PPIL1: variants seen among roughly 807,000 people sequenced by gnomAD.
PPIL1 encodes peptidylprolyl isomerase like 1.
A neutral mutation model predicts 19.4 loss-of-function variants in PPIL1; 14 were observed. That is an observed-to-expected ratio of 0.72 (90% CI 0.48 to 1.13). The LOEUF (loss-of-function observed/expected upper bound fraction) is 1.13, where lower values mean the gene tolerates loss of function less well. PPIL1 is among the 50% of genes most tolerant of loss of function. The pLI, the probability that PPIL1 is intolerant of heterozygous loss-of-function variation, is 0.00. For missense variants in PPIL1, 192 were observed against 218.0 expected (o/e 0.88, Z 0.75); for synonymous variants, 72 against 73.6 (o/e 0.98, Z 0.11).
At chr6:36,860,219 C>G (rs991079075) in intron 2 of PPIL1, among the ~76,000 whole-genome samples, 3 of 152,026 alleles carry the variant, frequency 2.0e-5, no homozygotes, top group Non-Finnish European at 2.9e-5. Flanking sequence ...ATAATCCCAA[C>G]ACTTTGGGAG....
intron 2 of PPIL1, among the ~76,000 whole-genome samples, chr6:36,858,387 C>T (rs111432192): frequency 1.7e-4 from 26 of 152,204 alleles, no homozygotes; most frequent in Admixed American, 6.5e-4. Flanking sequence ...CCAAGTTGAA[C>T]GGTCACGACA....
intron 1 of PPIL1, among the ~76,000 whole-genome samples, chr6:36,873,460 T>TA (rs1357262093): frequency 1.3e-5 from 2 of 152,240 alleles, no homozygotes; most frequent in East Asian, 3.9e-4. Flanking sequence ...ATTTTTTTGT[T>TA]AAAAAAACAT....
chr6:36,867,279 C>T (rs895412388), intron 2 of PPIL1, among the ~76,000 whole-genome samples: 1 of 150,922 alleles, frequency 6.6e-6, no homozygotes, highest in Non-Finnish European at 1.5e-5. Flanking sequence ...GCACGTTTAC[C>T]ACATGCTCCC....
Position 36,871,806 on chromosome 6 carries a change from C to T in PPIL1, c.123G>A (p.Glu41=). The change falls in exon 2 of 4, where the codon GAG becomes GAA. Residue 41 remains glutamate, a synonymous_variant. Coordinates refer to ENST00000373699, the MANE Select transcript of PPIL1 (RefSeq NM_016059.5). ...HAPKTCKNFA[E]LARRGYYNGT... is the part of the protein sequence containing the mutation. ...CATTGTAGTAACCTCGACGAGCCAACTCAGCAAAGTTCTTACAGGTCTTTG... is the reference window on the plus strand; with the variant it reads ...CATTGTAGTAACCTCGACGAGCCAATTCAGCAAAGTTCTTACAGGTCTTTG... The T allele has an allele frequency of 5.6e-6, 9 of 1,612,230 alleles. No homozygotes were observed. The highest frequency in any genetic ancestry group is 7.6e-6 in the Non-Finnish European group (9 of 1,179,316).
At chr6:36,864,312 C>T (rs189109748) in intron 2 of PPIL1, among the ~76,000 whole-genome samples, 4 of 152,188 alleles carry the variant, frequency 2.6e-5, no homozygotes, top group South Asian at 4.2e-4. Context: ...TACAACACCC[C>T]CCACGATTGG....
At chr6:36,867,087 G>C (rs73418165) in intron 2 of PPIL1, among the ~76,000 whole-genome samples, 1 of 152,106 alleles carries the variant, frequency 6.6e-6, no homozygotes, top group Non-Finnish European at 1.5e-5. Context: ...CTCAAAACTC[G>C]GGGCCTCAAC....
chr6:36,858,947 G>C (rs964834846), intron 2 of PPIL1, among the ~76,000 whole-genome samples: 5 of 152,188 alleles, frequency 3.3e-5, no homozygotes, highest in Admixed American at 3.3e-4. Context: ...TGCAGGACTT[G>C]AGTGAGCAAG....
chr6:36,871,848 C>G lies in PPIL1; in HGVS notation c.81G>C (p.Leu27=). The G allele has an allele frequency of 6.2e-7, 1 of 1,601,466 alleles. No individual in the cohort carries two copies. The highest frequency in any genetic ancestry group is 2.3e-5 in the East Asian group (1 of 44,254). The change falls in exon 2 of 4, where the codon CTG becomes CTC. Residue 27 remains leucine, a synonymous_variant. Coordinates refer to ENST00000373699, the MANE Select transcript of PPIL1 (RefSeq NM_016059.5). The stretch of plus-strand genomic sequence containing the variant: ...AGGTCTTTGGAGCATGCTTCCAGTA[C>G]AGCTCCAGCACAATGATTCCCATGC... ...ETSMGIIVLE[L]YWKHAPKTCK... is the part of the protein sequence containing the mutation.
rs1041089045 is a variant in PPIL1, at chr6:36,872,974, CTATAAG to C, written c.57-1108_57-1103del. ...CAGTGCCTTGCACAGTGTAAACACT[CTATAAG>C]TATATGAGGAGTGTGCTAGAAAATA... On this transcript the variant is annotated intron_variant, in intron 1 of 3. Transcript: ENST00000373699. 5.3e-5 allele frequency among the ~76,000 whole-genome samples: 8 copies of C among 152,208 alleles called. No homozygotes were observed. In the East Asian group the frequency reaches 5.8e-4, roughly 11 times the overall value.
At position 36,855,815 on chromosome 6, in the gene PPIL1, A is replaced by G; in HGVS notation, c.499T>C (p.Ter167GlnextTer10). ...VKIIKAYPSG[*>Q] is the part of the protein sequence containing the mutation. ...AGCTGCTCAAGAGGGTAGCAAGTCT[A>G]CCCAGAAGGGTATGCCTTAATGATC... Residue 167 changes from the stop codon to glutamine (Q), a stop_lost, in exon 4 of 4, where the codon TAG (stop) becomes CAG (glutamine). Coordinates refer to ENST00000373699, the MANE Select transcript of PPIL1 (RefSeq NM_016059.5). 5 of 1,614,086 alleles carry G rather than the reference A, an allele frequency of 3.1e-6. No homozygotes were observed. The highest frequency in any genetic ancestry group is 4.2e-6 in the Non-Finnish European group (5 of 1,179,958).
At chr6:36,866,605 G>A (rs1774398334) in intron 2 of PPIL1, among the ~76,000 whole-genome samples, 1 of 151,998 alleles carries the variant, frequency 6.6e-6, no homozygotes, top group African/African-American at 2.4e-5. Context: ...ACATTATGAA[G>A]GATCATGAAC....
intron 2 of PPIL1, 70 bp from the exon 3 acceptor site, chr6:36,856,724 C>A: frequency 7.0e-7 from 1 of 1,429,216 alleles, no homozygotes. Context: ...AATGATGGCC[C>A]AGGGTCAAAG....
At chr6:36,873,764 A>C (rs1774570977) in intron 1 of PPIL1, among the ~76,000 whole-genome samples, 1 of 152,236 alleles carries the variant, frequency 6.6e-6, no homozygotes. Flanking sequence ...TTTAGCTGAA[A>C]GCAGCAATGG....
chr6:36,856,113 T>A, intron 3 of PPIL1, 80 bp from the exon 4 acceptor site: 1 of 1,451,070 alleles, frequency 6.9e-7, no homozygotes, highest in South Asian at 1.3e-5. Context: ...ATCCTAGGGA[T>A]GAAAAAGCAG....
At chr6:36,873,302 C>CA (rs922671589) in intron 1 of PPIL1, among the ~76,000 whole-genome samples, 34 of 149,464 alleles carry the variant, frequency 2.3e-4, no homozygotes, top group African/African-American at 4.7e-4. Context: ...TTGTCATAGC[C>CA]AAAAAAAAAG....
intron 2 of PPIL1, among the ~76,000 whole-genome samples, chr6:36,863,950 C>T (rs763805203): frequency 4.6e-5 from 7 of 151,920 alleles, no homozygotes; most frequent in African/African-American, 1.7e-4. Flanking sequence ...CTCAGGCCTG[C>T]GCTGCTGTGT....
At chr6:36,858,231 C>CAAAAAAAAA (rs55719434) in intron 2 of PPIL1, among the ~76,000 whole-genome samples, 1 of 68,188 alleles carries the variant, frequency 1.5e-5, no homozygotes. Flanking sequence ...AAGACTGTCT[C>CAAAAAAAAA]AAAAAAAAAA....
intron 2 of PPIL1, among the ~76,000 whole-genome samples, chr6:36,865,799 C>T (rs12111266): frequency 0.11 from 16,496 of 152,220 alleles, 965 homozygotes; most frequent in Admixed American, 0.13. Context: ...GGGCAGGGAA[C>T]TGCAAGGAAA....
At chr6:36,871,675 G>GA (rs748336580) in intron 2 of PPIL1, 43 bp downstream of exon 2, 8,729 of 1,291,328 alleles carry the variant, frequency 6.8e-3, no homozygotes, top group East Asian at 0.011. Flanking sequence ...ACGAAAAGGA[G>GA]AAAAAAAAAA....
Sources: gnomAD v4.1 joint callset for allele counts (sites outside exome capture counted in the v4.1 genomes callset) on GRCh38, gnomAD v4.1.1 for gene constraint, MANE v1.5 for transcripts, NCBI Gene and HGNC (gene_info 2026-07-23, HGNC 2026-07-21) for gene names.